Variants in ADAMTS9 observed in about 807,000 individuals in gnomAD.
ADAMTS9 encodes the protein A disintegrin and metalloproteinase with thrombospondin motifs 9.
Under a neutral mutation model 257.1 loss-of-function variants are expected in ADAMTS9, and 107 were observed. The ratio of observed to expected loss-of-function variants is 0.42; its 90% CI spans 0.36 to 0.49. The LOEUF is 0.49. Among genes scored for constraint, ADAMTS9 ranks in the 20% least tolerant of loss-of-function variants. The probability of loss-of-function intolerance (pLI) is 0.03; values close to 1 mark genes in which losing one functional copy is unlikely to be tolerated. For synonymous variants in ADAMTS9, 982 were observed against 880.9 expected (o/e 1.11, Z -2.03); for missense variants, 2,353 against 2,469.1 (o/e 0.95, Z 1.00).
chr3:64,574,749 C>A (rs1306174292), intron 28 of ADAMTS9, among the ~76,000 whole-genome samples: 1 of 151,874 alleles, frequency 6.6e-6, no homozygotes, highest in Non-Finnish European at 1.5e-5. Context: ...CCTCCCCACA[C>A]ACACACCCCA....
chr3:64,651,191 T>C, intron 8 of ADAMTS9, 28 bp from the exon 9 acceptor site: 1 of 1,545,392 alleles, frequency 6.5e-7, no homozygotes, highest in Non-Finnish European at 8.7e-7. Context: ...ATGATGAGAA[T>C]GTCAATAAAC....
At chr3:64,615,645 T>A (rs73832349) in intron 20 of ADAMTS9, among the ~76,000 whole-genome samples, 160 bp from the exon 21 acceptor site, 2,145 of 152,200 alleles carry the variant, frequency 0.014, 48 homozygotes, top group African/African-American at 0.046. Context: ...TCAGTTTGCT[T>A]ACCAGGTTTA....
chr3:64,686,829 G>C lies in ADAMTS9; in HGVS notation c.255C>G (p.Ala85=), dbSNP rs1251279709. 1 of 1,614,158 alleles carries C rather than the reference G, an allele frequency of 6.2e-7. No homozygotes were observed. The highest frequency in any genetic ancestry group is 8.5e-7 in the Non-Finnish European group (1 of 1,180,014). The change falls in exon 2 of 40, where the codon GCC becomes GCG. Residue 85 remains alanine, a synonymous_variant. Transcript: ENST00000498707. The surrounding 1 kb of genome is among the most constrained non-coding windows in gnomAD (Gnocchi z 4.6). ...SINSATDPWP[A]FASSSSSSTS... ...TAGAGGAGGAAGAGGAGGAGGCGAA[G>C]GCAGGCCAGGGGTCAGTGGCAGAGT... is the stretch of plus-strand genomic sequence containing the variant.
At chr3:64,678,817 A>G (rs1483971167) in intron 3 of ADAMTS9, among the ~76,000 whole-genome samples, 4 of 152,186 alleles carry the variant, frequency 2.6e-5, no homozygotes, top group Admixed American at 6.5e-5. Flanking sequence ...GAGAAGCTGC[A>G]TCTGAATTCA....
At chr3:64,560,586 T>C (rs1300529997) in intron 30 of ADAMTS9, among the ~76,000 whole-genome samples, 1 of 152,160 alleles carries the variant, frequency 6.6e-6, no homozygotes, top group Non-Finnish European at 1.5e-5. Context: ...ACAGATTCTG[T>C]GAACCTCAGT....
In ADAMTS9 at chr3:64,516,772, A is replaced by C. The variant is rs1436144846; in HGVS notation, c.*355T>G. 6.5e-6 allele frequency: 1 copy of C among 152,698 alleles called. No individual in the cohort carries two copies. The highest frequency in any genetic ancestry group is 1.5e-5 in the Non-Finnish European group (1 of 68,050). The allele number at this position is 152,698 out of a possible 1,614,324, so 9.5% of individuals were successfully genotyped here. ...AACAATAAAACATTTACAGATGAAA[A>C]GTAAACAATAGTGTACCGTGATAAT... On this transcript the variant is annotated 3_prime_UTR_variant, in exon 40 of 40. Transcript: ENST00000498707.
At chr3:64,635,973 T>C (rs1248033034) in intron 12 of ADAMTS9, among the ~76,000 whole-genome samples, 2 of 152,232 alleles carry the variant, frequency 1.3e-5, no homozygotes, top group African/African-American at 4.8e-5. Flanking sequence ...GTTGAAATTA[T>C]CTTTCTGGAA....
chr3:64,679,856 G>C (rs1033370813), intron 3 of ADAMTS9, among the ~76,000 whole-genome samples: 1 of 152,182 alleles, frequency 6.6e-6, no homozygotes, highest in Non-Finnish European at 1.5e-5. Flanking sequence ...TAAACTTGCT[G>C]GTGGCTGGCA....
rs61286740 is a variant in ADAMTS9, at chr3:64,518,764, ATTTTTTTTTTTT to A, written c.*6-1655_*6-1644del. ...CGAGGGAATTTATCATTACCTTTTC[ATTTTTTTTTTTT>A]TTTTTTTTTTTTTTGAGACAGAGGC... On this transcript the variant is annotated intron_variant, in intron 39 of 39. Transcript: ENST00000498707. 6.1e-5 allele frequency among the ~76,000 whole-genome samples: 4 copies of A among 65,318 alleles called. No individual in the cohort carries two copies. In the East Asian group the frequency reaches 1.7e-3, roughly 27 times the overall value. The allele number at this position is 65,318 out of a possible 152,430, so 42.9% of individuals were successfully genotyped here.
In ADAMTS9 at chr3:64,533,220, A is replaced by G. The variant is rs1294737483; in HGVS notation, c.5664T>C (p.Ser1888=). Residue 1888 remains serine (S), a synonymous_variant, in exon 38 of 40, where the codon TCT becomes TCC. Coordinates refer to ENST00000498707, the MANE Select transcript of ADAMTS9 (RefSeq NM_182920.2). ...LYGTGLSLTE[S]ARWISQGNYA... ...AATTCCCTTGTGATATCCATCTGGC[A>G]GATTCAGTTAAAGACAAGCCGGTTC... 2 of 1,612,430 alleles carry G rather than the reference A, an allele frequency of 1.2e-6. No individual in the cohort carries two copies. The highest frequency in any genetic ancestry group is 1.7e-6 in the Non-Finnish European group (2 of 1,179,010).
At chr3:64,667,358 T>C (rs773039725) in intron 3 of ADAMTS9, among the ~76,000 whole-genome samples, 18 of 152,172 alleles carry the variant, frequency 1.2e-4, no homozygotes, top group Non-Finnish European at 2.6e-4. Context: ...AGTCGCATGA[T>C]TGCCAAACTT....
At chr3:64,596,284 C>A (rs2084362631) in intron 27 of ADAMTS9, among the ~76,000 whole-genome samples, 1 of 152,322 alleles carries the variant, frequency 6.6e-6, no homozygotes, top group Non-Finnish European at 1.5e-5. Flanking sequence ...TGTCCCCTAT[C>A]AGTCGTCACA....
chr3:64,626,797 A>G (rs1472561666), intron 16 of ADAMTS9, among the ~76,000 whole-genome samples: 1 of 152,194 alleles, frequency 6.6e-6, no homozygotes, highest in African/African-American at 2.4e-5. Flanking sequence ...GGAGTCTGAC[A>G]CTCATGACAA....
chr3:64,521,015 C>A (rs772268460), intron 39 of ADAMTS9, among the ~76,000 whole-genome samples: 1 of 152,034 alleles, frequency 6.6e-6, no homozygotes. Context: ...GGACAATCTA[C>A]AGAATAGGAG....
chr3:64,621,483 C>T (rs892214502), intron 18 of ADAMTS9, among the ~76,000 whole-genome samples: 7 of 152,144 alleles, frequency 4.6e-5, no homozygotes, highest in East Asian at 1.9e-4. Flanking sequence ...GTAGGTAGGC[C>T]GGGCACAGTG....
intron 38 of ADAMTS9, among the ~76,000 whole-genome samples, chr3:64,528,851 C>T (rs1286218450): frequency 2.6e-5 from 4 of 152,254 alleles, no homozygotes; most frequent in Non-Finnish European, 5.9e-5. Context: ...TATAGATGAA[C>T]AAACTGAGTC....
chr3:64,629,654 C>CT, intron 16 of ADAMTS9, among the ~76,000 whole-genome samples: 1 of 152,338 alleles, frequency 6.6e-6, no homozygotes, highest in Admixed American at 6.5e-5. Flanking sequence ...ATGGAGTTTT[C>CT]TTATCTATCA....
intron 12 of ADAMTS9, among the ~76,000 whole-genome samples, chr3:64,640,843 C>T (rs1307249639): frequency 1.3e-5 from 2 of 152,146 alleles, no homozygotes; most frequent in African/African-American, 4.8e-5. Flanking sequence ...CCCTCCACCC[C>T]GCCCATGTCT....
chr3:64,616,422 C>A (rs140935485), intron 19 of ADAMTS9, among the ~76,000 whole-genome samples: 1 of 151,958 alleles, frequency 6.6e-6, no homozygotes, highest in African/African-American at 2.4e-5. Context: ...GATTTTACCC[C>A]GATAGTCAAT....
Sources: gnomAD v4.1 joint callset for allele counts (sites outside exome capture counted in the v4.1 genomes callset) on GRCh38, gnomAD v4.1.1 for gene constraint, Gnocchi (gnomAD v3.1) non-coding constraint, MANE v1.5 for transcripts, NCBI Gene and HGNC (gene_info 2026-07-23, HGNC 2026-07-21) for gene names.